Variants in SCFD2 observed in about 807,000 individuals in gnomAD.
The protein encoded by SCFD2 is sec1 family domain containing 2.
A neutral mutation model predicts 58.9 loss-of-function variants in SCFD2; 54 were observed. The observed-to-expected ratio is 0.92, with a 90% CI of 0.74 to 1.15. The LOEUF is 1.15. Among genes scored for constraint, SCFD2 ranks in the 50% most tolerant of loss-of-function variants. SCFD2 has a pLI of 0.00. For missense variants in SCFD2, 805 were observed against 836.6 expected (o/e 0.96, Z 0.47); for synonymous variants, 321 against 335.9 (o/e 0.96, Z 0.49).
At chr4:53,218,872 C>T (rs146153978) in intron 4 of SCFD2, among the ~76,000 whole-genome samples, 443 of 152,362 alleles carry the variant, frequency 2.9e-3, no homozygotes, top group Non-Finnish European at 5.3e-3. Flanking sequence ...TCAAGAACCA[C>T]AGCTGCAGGT....
chr4:53,084,790 T>A (rs1724257647), intron 5 of SCFD2, among the ~76,000 whole-genome samples: 1 of 152,044 alleles, frequency 6.6e-6, no homozygotes, highest in African/African-American at 2.4e-5. Flanking sequence ...AAGAAAAAAA[T>A]ATGATCATTT....
intron 5 of SCFD2, among the ~76,000 whole-genome samples, chr4:52,961,215 A>C (rs1720846244): frequency 6.6e-6 from 1 of 152,218 alleles, no homozygotes. Flanking sequence ...AATCCAGATC[A>C]GTCTGAGACA....
At chr4:53,215,091 C>A (rs555256057) in intron 4 of SCFD2, among the ~76,000 whole-genome samples, 1 of 152,074 alleles carries the variant, frequency 6.6e-6, no homozygotes, top group African/African-American at 2.4e-5. Flanking sequence ...TAGCTTGATG[C>A]CTCAAGCTTT....
intron 5 of SCFD2, among the ~76,000 whole-genome samples, chr4:52,983,603 T>C (rs1387417795): frequency 2.0e-5 from 3 of 152,230 alleles, no homozygotes; most frequent in African/African-American, 7.2e-5. Context: ...TATTTTTCTT[T>C]ATCTACAGAA....
chr4:53,152,569 AG>A (rs759238436), intron 4 of SCFD2, among the ~76,000 whole-genome samples: 2 of 152,166 alleles, frequency 1.3e-5, no homozygotes, highest in Admixed American at 6.5e-5. Flanking sequence ...TGAGATTTGG[AG>A]GGGGCAAATA....
chr4:53,003,973 T>C (rs1284448625), intron 5 of SCFD2, among the ~76,000 whole-genome samples: 1 of 152,188 alleles, frequency 6.6e-6, no homozygotes, highest in African/African-American at 2.4e-5. Context: ...CTCCTTATTT[T>C]AGGAAATAAA....
intron 4 of SCFD2, among the ~76,000 whole-genome samples, chr4:53,272,160 T>C (rs1437876388): frequency 2.0e-5 from 3 of 152,116 alleles, no homozygotes; most frequent in Admixed American, 6.5e-5. Flanking sequence ...TGAGATACCA[T>C]CTCACACCAG....
At chr4:53,136,371 A>T (rs1243604636) in intron 5 of SCFD2, among the ~76,000 whole-genome samples, 3 of 152,214 alleles carry the variant, frequency 2.0e-5, no homozygotes, top group Non-Finnish European at 4.4e-5. Context: ...TAGACTAGAT[A>T]ATTGTTGAGA....
At chr4:53,224,722 C>T (rs1729150923) in intron 4 of SCFD2, among the ~76,000 whole-genome samples, 1 of 152,242 alleles carries the variant, frequency 6.6e-6, no homozygotes, top group African/African-American at 2.4e-5. Context: ...GGCTTTAAGC[C>T]ACTAAGTTTT....
In SCFD2 at chr4:52,981,757, A is replaced by G. The variant is rs868669223; in HGVS notation, c.1562-60887T>C. 9.2e-5 allele frequency among the ~76,000 whole-genome samples: 14 copies of G among 152,302 alleles called. 1 individual carries two copies. The highest frequency in any genetic ancestry group is 3.4e-3 in the Middle Eastern group (1 of 294). Reference sequence around the variant, plus strand: ...GCCAGGAGAGACGGTCAGGGCTTAGAGAGCCACTACCAGGGGTTTACATTA... The same window carrying G: ...GCCAGGAGAGACGGTCAGGGCTTAGGGAGCCACTACCAGGGGTTTACATTA... On this transcript the variant is annotated intron_variant, in intron 5 of 8. Coordinates refer to ENST00000401642, the MANE Select transcript of SCFD2 (RefSeq NM_152540.4).
intron 2 of SCFD2, among the ~76,000 whole-genome samples, chr4:53,331,254 C>T (rs1387832485): frequency 1.5e-4 from 23 of 151,372 alleles, no homozygotes; most frequent in African/African-American, 4.6e-4. Flanking sequence ...ACCTAATAGA[C>T]ATCTACAGAA....
intron 5 of SCFD2, among the ~76,000 whole-genome samples, chr4:52,944,213 CTTGT>C (rs911386270): frequency 6.6e-6 from 1 of 152,170 alleles, no homozygotes; most frequent in Non-Finnish European, 1.5e-5. Flanking sequence ...TGAGAATTCT[CTTGT>C]TTCTTTATTC....
intron 3 of SCFD2, among the ~76,000 whole-genome samples, chr4:53,283,778 T>C (rs1167183008): frequency 6.6e-6 from 1 of 151,920 alleles, no homozygotes; most frequent in Non-Finnish European, 1.5e-5. Flanking sequence ...GGTTTCACCA[T>C]GTTGTCCAGT....
chr4:53,105,159 T>TA (rs1275991004), intron 5 of SCFD2, among the ~76,000 whole-genome samples: 2 of 151,980 alleles, frequency 1.3e-5, no homozygotes, highest in Non-Finnish European at 2.9e-5. Context: ...CCGGCCCAGA[T>TA]ACTATGCTTT....
Position 53,094,205 on chromosome 4 carries a change from A to G in SCFD2, c.1561+51128T>C, listed in dbSNP as rs114631436. ...ATCTTTCCACTGTGCATCACATTCC[A>G]TCCTTTCTCCTCTACTCAATTATGT... On this transcript the variant is annotated intron_variant, in intron 5 of 8. Coordinates refer to ENST00000401642, the MANE Select transcript of SCFD2 (RefSeq NM_152540.4). Among the ~76,000 whole-genome samples, 1,234 of 152,222 alleles carry G rather than the reference A, an allele frequency of 8.1e-3. 14 individuals are homozygous for G. Among genetic ancestry groups the G allele is most frequent in the African/African-American group, 0.028 (1,182 of 41,564 alleles).
chr4:53,160,048 T>A (rs1726807581), intron 4 of SCFD2, among the ~76,000 whole-genome samples: 1 of 152,208 alleles, frequency 6.6e-6, no homozygotes, highest in Admixed American at 6.5e-5. Context: ...TGGCATGGGC[T>A]TCAGATGCAA....
At chr4:53,104,746 AGCTTGTGCTAATC>A in intron 5 of SCFD2, among the ~76,000 whole-genome samples, 1 of 152,268 alleles carries the variant, frequency 6.6e-6, no homozygotes, top group African/African-American at 2.4e-5. Flanking sequence ...TCAGCTGAAC[AGCTTGTGCTAATC>A]ATTACTGCAG....
chr4:53,250,440 A>G (rs1730319537), intron 4 of SCFD2, among the ~76,000 whole-genome samples: 1 of 152,170 alleles, frequency 6.6e-6, no homozygotes, highest in Admixed American at 6.5e-5. Flanking sequence ...TCAGCTCTGC[A>G]CCAAGCACAC....
chr4:53,356,472 C>T (rs1266310020), intron 1 of SCFD2, among the ~76,000 whole-genome samples: 1 of 152,148 alleles, frequency 6.6e-6, no homozygotes, highest in African/African-American at 2.4e-5. Flanking sequence ...GTTGCCCAGG[C>T]AGGAGTGCAG....
Sources: gnomAD v4.1 joint callset for allele counts (sites outside exome capture counted in the v4.1 genomes callset) on GRCh38, gnomAD v4.1.1 for gene constraint, MANE v1.5 for transcripts, NCBI Gene and HGNC (gene_info 2026-07-23, HGNC 2026-07-21) for gene names.